Variants in BID observed in about 807,000 individuals in gnomAD.
BID encodes BH3 interacting domain death agonist.
In BID, 19 loss-of-function variants were observed where a neutral mutation model predicts 17.4. That is an observed-to-expected ratio of 1.09 (90% CI 0.76 to 1.60). The LOEUF (loss-of-function observed/expected upper bound fraction) is 1.60, where lower values mean the gene tolerates loss of function less well. Ranked by LOEUF, BID falls within the 40% of genes most tolerant of loss-of-function variation. The probability of loss-of-function intolerance (pLI) is 0.00; values close to 1 mark genes in which losing one functional copy is unlikely to be tolerated. For synonymous variants in BID, 108 were observed against 102.8 expected, an observed-to-expected ratio of 1.05 and a Z score of -0.31; for missense variants, 226 against 256.0, an observed-to-expected ratio of 0.88 and a Z score of 0.80.
chr22:17,749,061 G>C (rs1028813036), intron 2 of BID, among the ~76,000 whole-genome samples: 2 of 152,206 alleles, frequency 1.3e-5, no homozygotes, highest in African/African-American at 4.8e-5. Context: ...CTGGGTGCCG[G>C]GTGCTCTCCA....
At chr22:17,762,589 C>A (rs1327615437) in intron 1 of BID, among the ~76,000 whole-genome samples, 1 of 102,998 alleles carries the variant, frequency 9.7e-6, no homozygotes, top group Non-Finnish European at 1.8e-5. Flanking sequence ...CTCACTCTGT[C>A]AAGCAGGCTA....
chr22:17,774,492 C>A, upstream of BID: 1 of 270,722 alleles, frequency 3.7e-6, no homozygotes, highest in South Asian at 3.2e-5. Flanking sequence ...GCGCTTCCTC[C>A]TTCGGCCCCC....
At chr22:17,738,836 G>A (rs1373295723) in intron 4 of BID, among the ~76,000 whole-genome samples, 1 of 152,126 alleles carries the variant, frequency 6.6e-6, no homozygotes, top group Non-Finnish European at 1.5e-5. Flanking sequence ...AGCTCCTACC[G>A]CTACAGGCCT....
rs1386507011 is a variant in BID at position 17,769,609 on chromosome 22, C to T, written c.-59+4772G>A. On this transcript the variant is annotated intron_variant, in intron 1 of 5. Transcript: ENST00000622694. This position sits in a 1 kb window ranked among gnomAD's most constrained non-coding sequence, Gnocchi z 4.8. ...CCAGGGCACAGCAAGGAAGTGCCTGCTGGAAGGATCCTGGGGACAGTTGTT... is the reference window on the plus strand; with the variant it reads ...CCAGGGCACAGCAAGGAAGTGCCTGTTGGAAGGATCCTGGGGACAGTTGTT... 6.6e-6 allele frequency among the ~76,000 whole-genome samples: 1 copy of T among 152,208 alleles called. No individual in the cohort carries two copies. The highest frequency in any genetic ancestry group is 6.5e-5 in the Admixed American group (1 of 15,292).
At position 17,752,944 on chromosome 22, in the gene BID, C is replaced by T. The variant is rs568812449; in HGVS notation, c.-58-2770G>A. 4.9e-4 allele frequency among the ~76,000 whole-genome samples: 70 copies of T among 143,060 alleles called. 3 individuals are homozygous for T. In the East Asian group the frequency reaches 0.014, roughly 29 times the overall value. The allele number at this position is 143,060 out of a possible 152,430, so 93.9% of individuals were successfully genotyped here. ...CCTCCCGAAGTGCTGGGATTACAGG[C>T]ATGAGCCACCGCGCCCAGTCTTTTT... On this transcript the variant is annotated intron_variant, in intron 1 of 5. Transcript: ENST00000622694.
chr22:17,751,328 C>A (rs1168597370), intron 1 of BID, among the ~76,000 whole-genome samples: 1 of 151,154 alleles, frequency 6.6e-6, no homozygotes, highest in Non-Finnish European at 1.5e-5. Flanking sequence ...GCCGAGATTG[C>A]GCCACTGCAG....
chr22:17,759,256 A>AC (rs1555906753), intron 1 of BID, among the ~76,000 whole-genome samples: 1 of 149,506 alleles, frequency 6.7e-6, no homozygotes, highest in East Asian at 2.0e-4. Flanking sequence ...CAAAAAAAAA[A>AC]AAACAAAAGA....
chr22:17,747,548 T>C (rs533996318), intron 2 of BID, among the ~76,000 whole-genome samples: 4 of 152,166 alleles, frequency 2.6e-5, no homozygotes, highest in African/African-American at 9.6e-5. Context: ...CTGGAGCTCT[T>C]GACCTCAGGT....
chr22:17,751,035 A>C (rs910985685), intron 1 of BID, among the ~76,000 whole-genome samples: 3 of 145,416 alleles, frequency 2.1e-5, no homozygotes, highest in African/African-American at 7.6e-5. Context: ...CCCTGTCTCG[A>C]AAAAAAAAAA....
In BID at chr22:17,734,305, A is replaced by AAAC. The variant is rs2061405122; in HGVS notation, c.*1272_*1274dup. Reference sequence around the variant, plus strand: ...TTTGTTTTTCCTTTCTGATGATTTTAAACTCTTAAAGAACAGGAAAGCATC... The same window carrying AAAC: ...TTTGTTTTTCCTTTCTGATGATTTTAAACAACTCTTAAAGAACAGGAAAGCATC... On this transcript the variant is annotated 3_prime_UTR_variant, in exon 6 of 6. Transcript: ENST00000622694. 6.7e-6 allele frequency: 1 copy of AAAC among 148,706 alleles called. No individual in the cohort carries two copies. The highest frequency in any genetic ancestry group is 1.5e-5 in the Non-Finnish European group (1 of 65,608). 9.2% of individuals were successfully genotyped at this position (148,706 alleles called of 1,614,324 possible). A position where few individuals can be genotyped will look rare whatever the true frequency, so the allele number is the denominator to read the frequency against.
chr22:17,736,005 C>G (rs2061416780), intron 5 of BID, among the ~76,000 whole-genome samples: 1 of 152,156 alleles, frequency 6.6e-6, no homozygotes, highest in South Asian at 2.1e-4. Context: ...GGGTTTAATG[C>G]CTGATTTAAG....
At chr22:17,739,197 C>A in intron 4 of BID, 152 bp downstream of exon 4, 1 of 1,032,850 alleles carries the variant, frequency 9.7e-7, no homozygotes, top group Non-Finnish European at 1.3e-6. Flanking sequence ...GGCAATGAAC[C>A]ATACCCTACG....
At chr22:17,739,854 C>T (rs1232608309) in intron 3 of BID, 16 of 610,282 alleles carry the variant, frequency 2.6e-5, no homozygotes, top group Non-Finnish European at 4.3e-5. Context: ...GCCTGGGCAG[C>T]CGTTGGGGAA....
intron 1 of BID, among the ~76,000 whole-genome samples, chr22:17,757,190 T>C (rs912856539): frequency 6.6e-6 from 1 of 150,512 alleles, no homozygotes; most frequent in Non-Finnish European, 1.5e-5. Flanking sequence ...CAGGGCAGGC[T>C]GATCACCTGA....
intron 1 of BID, among the ~76,000 whole-genome samples, chr22:17,752,484 G>A (rs1257162546): frequency 6.6e-6 from 1 of 152,120 alleles, no homozygotes; most frequent in Non-Finnish European, 1.5e-5. Context: ...AATCCAAACT[G>A]GTGTGTCACA....
At chr22:17,740,330 T>C in intron 3 of BID, 2 of 684,384 alleles carry the variant, frequency 2.9e-6, no homozygotes, top group Non-Finnish European at 2.6e-6. Context: ...TCCCAGTGCT[T>C]TGGGAGGCTG....
chr22:17,745,356 A>G (rs2061488531), intron 2 of BID, among the ~76,000 whole-genome samples: 1 of 152,090 alleles, frequency 6.6e-6, no homozygotes, highest in Non-Finnish European at 1.5e-5. Context: ...GGTGTGACCT[A>G]CTGCACCCAG....
chr22:17,747,682 AAT>A (rs10598426), intron 2 of BID, among the ~76,000 whole-genome samples: 2,992 of 152,318 alleles, frequency 0.02, 46 homozygotes, highest in African/African-American at 0.036. Context: ...ACAGGAAAAA[AAT>A]ATGTTAAGAG....
chr22:17,748,574 T>C (rs2064700846), intron 2 of BID, among the ~76,000 whole-genome samples: 1 of 152,162 alleles, frequency 6.6e-6, no homozygotes, highest in African/African-American at 2.4e-5. Flanking sequence ...GAAAAAAGGC[T>C]GAACCCTATA....
Sources: gnomAD v4.1 joint callset for allele counts (sites outside exome capture counted in the v4.1 genomes callset) on GRCh38, gnomAD v4.1.1 for gene constraint, Gnocchi (gnomAD v3.1) non-coding constraint, MANE v1.5 for transcripts, NCBI Gene and HGNC (gene_info 2026-07-23, HGNC 2026-07-21) for gene names.